Variants in BAZ2B observed in about 807,000 individuals in gnomAD.
BAZ2B encodes bromodomain adjacent to zinc finger domain 2B.
Under a neutral mutation model 246.0 loss-of-function variants are expected in BAZ2B, and 91 were observed. The observed-to-expected ratio is 0.37, with a 90% CI of 0.31 to 0.44. The LOEUF is 0.44. Ranked by LOEUF, BAZ2B falls within the 20% of genes least tolerant of loss-of-function variation. The pLI is 1.00. For synonymous variants in BAZ2B, 855 were observed against 860.0 expected, an observed-to-expected ratio of 0.99 and a Z score of 0.10; for missense variants, 2,332 against 2,533.7, an observed-to-expected ratio of 0.92 and a Z score of 1.71.
the BAZ2B span, among the ~76,000 whole-genome samples, chr2:159,632,679 A>G: frequency 6.6e-6 from 1 of 152,206 alleles, no homozygotes; most frequent in Non-Finnish European, 1.5e-5. Flanking sequence ...CTATAATTTA[A>G]TGTGGTGCTG....
intron 32 of BAZ2B, 34 bp downstream of exon 32, chr2:159,337,533 C>T: frequency 6.2e-7 from 1 of 1,614,030 alleles, no homozygotes; most frequent in Non-Finnish European, 8.5e-7. Flanking sequence ...CCAGTTTGAT[C>T]TGAATGGTGG....
the BAZ2B span, among the ~76,000 whole-genome samples, chr2:159,652,396 G>C: frequency 6.6e-6 from 1 of 151,928 alleles, no homozygotes; most frequent in Non-Finnish European, 1.5e-5. Flanking sequence ...TTTTAATAGA[G>C]ACAGGGTTTC....
At chr2:159,673,364 T>C in the BAZ2B span, among the ~76,000 whole-genome samples, 1 of 152,188 alleles carries the variant, frequency 6.6e-6, no homozygotes, top group Non-Finnish European at 1.5e-5. Context: ...AATTACTCTG[T>C]TGGTGAGGCT....
At chr2:159,682,609 T>C in the BAZ2B span, among the ~76,000 whole-genome samples, 1 of 152,186 alleles carries the variant, frequency 6.6e-6, no homozygotes, top group African/African-American at 2.4e-5. Context: ...TAGAAGATAC[T>C]GTGCACAGAA....
At position 159,386,513 on chromosome 2, in the gene BAZ2B, C is replaced by T. The variant is rs1559209876; in HGVS notation, c.3311G>A (p.Gly1104Asp). Reference sequence around the variant, plus strand: ...ATTCACATCAAAGCCCAAAACTTTACCAAAGTTTCGTAAGAACTGCACCAC... The same window carrying T: ...ATTCACATCAAAGCCCAAAACTTTATCAAAGTTTCGTAAGAACTGCACCAC... The part of the protein sequence containing the change: ...LMVVQFLRNF[G>D]KVLGFDVNID... The change falls in exon 22 of 37, where the codon GGT becomes GAT. Residue 1104 changes from glycine (G) to aspartate (D), a missense_variant. Gly to Asp is a moderately conservative substitution (Grantham distance 94). Coordinates refer to ENST00000392783, the MANE Select transcript of BAZ2B (RefSeq NM_013450.4). The T allele has an allele frequency of 6.2e-7, 1 of 1,613,452 alleles. No homozygotes were observed. Among genetic ancestry groups the T allele is most frequent in the Non-Finnish European group, 8.5e-7 (1 of 1,179,742 alleles).
At chr2:159,381,781 A>G (rs13005337) in intron 25 of BAZ2B, among the ~76,000 whole-genome samples, 93,633 of 152,052 alleles carry the variant, frequency 0.62, 31,106 homozygotes, top group Non-Finnish European at 0.76. Context: ...TCATTGTTGC[A>G]TATGAGACTC....
the BAZ2B span, among the ~76,000 whole-genome samples, chr2:159,674,085 G>C: frequency 7.9e-5 from 12 of 152,090 alleles, no homozygotes; most frequent in African/African-American, 2.6e-4. Flanking sequence ...GCTGATACTT[G>C]TAATCCCAAG....
Position 159,333,032 on chromosome 2 carries a change from G to A in BAZ2B, c.5797-346C>T, listed in dbSNP as rs147228605. 8.3e-3 allele frequency: 1,352 copies of A among 163,308 alleles called. 21 individuals are homozygous for A. Among genetic ancestry groups the A allele is most frequent in the African/African-American group, 0.03 (1,276 of 42,040 alleles). 10.1% of individuals were successfully genotyped at this position (163,308 alleles called of 1,614,324 possible). A position where few individuals can be genotyped will look rare whatever the true frequency, so the allele number is the denominator to read the frequency against. Reference sequence around the variant, plus strand: ...GCAATGAATAGCTTTAATACATGATGTTTTATTTGTTTAATGTGCTTCATC... The same window carrying A: ...GCAATGAATAGCTTTAATACATGATATTTTATTTGTTTAATGTGCTTCATC... On this transcript the variant is annotated intron_variant, in intron 33 of 36. Transcript: ENST00000392783.
chr2:159,553,392 C>CA (rs35253250), intron 2 of BAZ2B, among the ~76,000 whole-genome samples: 1,349 of 73,772 alleles, frequency 0.018, 37 homozygotes, highest in African/African-American at 0.033. Flanking sequence ...GACTCTGTCT[C>CA]AAAAAAAAAA....
intron 1 of BAZ2B, among the ~76,000 whole-genome samples, chr2:159,602,712 T>C (rs1310731205): frequency 6.6e-6 from 1 of 152,158 alleles, no homozygotes; most frequent in Non-Finnish European, 1.5e-5. Flanking sequence ...CAGTTAATAT[T>C]TTCCAGAATA....
chr2:159,566,071 G>C (rs1310442815), intron 1 of BAZ2B, among the ~76,000 whole-genome samples: 1 of 152,124 alleles, frequency 6.6e-6, no homozygotes, highest in Non-Finnish European at 1.5e-5. Flanking sequence ...GAGTGCAATG[G>C]CTCAATCTGG....
chr2:159,406,916 A>G (rs1053099505), intron 14 of BAZ2B, among the ~76,000 whole-genome samples: 42 of 151,536 alleles, frequency 2.8e-4, no homozygotes, highest in Middle Eastern at 6.8e-3. Flanking sequence ...CACCACGCCC[A>G]GCTAATTTTT....
the BAZ2B span, among the ~76,000 whole-genome samples, chr2:159,672,015 T>C: frequency 0.31 from 47,584 of 152,052 alleles, 9,394 homozygotes; most frequent in Admixed American, 0.48. Context: ...TTTGTGTACA[T>C]ATTGTTATGT....
chr2:159,609,520 A>ATTATAT, intron 1 of BAZ2B, among the ~76,000 whole-genome samples: 1 of 152,316 alleles, frequency 6.6e-6, no homozygotes, highest in South Asian at 2.1e-4. Context: ...ATTATTAGCA[A>ATTATAT]TATTTCCAAA....
At chr2:159,551,512 A>T (rs2088247674) in intron 2 of BAZ2B, among the ~76,000 whole-genome samples, 1 of 151,720 alleles carries the variant, frequency 6.6e-6, no homozygotes, top group Non-Finnish European at 1.5e-5. Context: ...ACAGATTATT[A>T]AATATACAGT....
intron 3 of BAZ2B, chr2:159,464,640 C>T (rs1466836697): frequency 1.3e-5 from 2 of 152,088 alleles, no homozygotes; most frequent in African/African-American, 4.8e-5. Context: ...AGAAAAGCTG[C>T]CATTTAATAA....
chr2:159,490,616 G>T (rs565391659), intron 2 of BAZ2B, among the ~76,000 whole-genome samples: 10 of 152,226 alleles, frequency 6.6e-5, no homozygotes, highest in African/African-American at 2.4e-4. Context: ...GATCTTCCCT[G>T]CTCAAGCAGT....
chr2:159,641,306 CTAATTATCTGTGATGT>C, the BAZ2B span, among the ~76,000 whole-genome samples: 1 of 152,156 alleles, frequency 6.6e-6, no homozygotes, highest in Admixed American at 6.5e-5. Flanking sequence ...TTGCATTTGT[CTAATTATCTGTGATGT>C]TAAGCTTTTT....
At chr2:159,491,042 G>C (rs151055250) in intron 2 of BAZ2B, among the ~76,000 whole-genome samples, 65 of 152,280 alleles carry the variant, frequency 4.3e-4, no homozygotes, top group African/African-American at 1.5e-3. Flanking sequence ...AAGTTTGCAG[G>C]AGTCTATTTT....
Sources: gnomAD v4.1 joint callset for allele counts (sites outside exome capture counted in the v4.1 genomes callset) on GRCh38, gnomAD v4.1.1 for gene constraint, MANE v1.5 for transcripts, NCBI Gene and HGNC (gene_info 2026-07-23, HGNC 2026-07-21) for gene names.